ODAD2: variants seen among roughly 807,000 people sequenced by gnomAD.
ODAD2 encodes the protein outer dynein arm-docking complex subunit 2.
ODAD2 carries 89 observed loss-of-function variants against 106.8 expected under a neutral mutation model. The observed-to-expected ratio is 0.83, with a 90% confidence interval of 0.70 to 0.99. The LOEUF (loss-of-function observed/expected upper bound fraction) is 0.99. ODAD2 is among the 50% of genes least tolerant of loss of function. The pLI, the probability that ODAD2 is intolerant of heterozygous loss-of-function variation, is 0.00. For synonymous variants in ODAD2, 404 were observed against 436.2 expected, an observed-to-expected ratio of 0.93 and a Z score of 0.92; for missense variants, 1,168 against 1,238.5, an observed-to-expected ratio of 0.94 and a Z score of 0.85.
chr10:27,923,199 C>A (rs1844914496), intron 16 of ODAD2, among the ~76,000 whole-genome samples: 1 of 152,094 alleles, frequency 6.6e-6, no homozygotes, highest in South Asian at 2.1e-4. Context: ...CTCATTAAAA[C>A]AAAAACTATG....
Position 27,944,213 on chromosome 10 carries a change from G to A in ODAD2, c.1743+9C>T. ...ACTAGATGACGATGACAACATCACG[G>A]CTACTCACCAGTTTGGTGATACCCC... On this transcript the variant is annotated intron_variant, in intron 12 of 19. Coordinates refer to ENST00000305242, the MANE Select transcript of ODAD2 (RefSeq NM_018076.5). The A allele has an allele frequency of 6.2e-7, 1 of 1,607,510 alleles. No individual in the cohort carries two copies. Among genetic ancestry groups the A allele is most frequent in the East Asian group, 2.2e-5 (1 of 44,594 alleles).
chr10:27,905,743 C>A (rs1302062441), intron 17 of ODAD2, among the ~76,000 whole-genome samples: 1 of 152,134 alleles, frequency 6.6e-6, no homozygotes, highest in Non-Finnish European at 1.5e-5. Context: ...CTTTGACAAA[C>A]CTGACAAAAA....
rs150829961 is a variant in ODAD2 at position 27,830,199 on chromosome 10, C to T, written c.3022-17574G>A. Among the ~76,000 whole-genome samples the T allele has an allele frequency of 7.6e-4, 116 of 152,274 alleles. 1 individual carries two copies. The highest frequency in any genetic ancestry group is 2.8e-3 in the African/African-American group (115 of 41,562). On this transcript the variant is annotated intron_variant, in intron 19 of 19. Coordinates refer to ENST00000305242, the MANE Select transcript of ODAD2 (RefSeq NM_018076.5). ...GGAGCCTAATCCTTGGTCTCCTCAC[C>T]TCCTGGTTTCCCGGAATGTCTTTCT...
At chr10:27,923,107 T>G (rs1055319929) in intron 16 of ODAD2, among the ~76,000 whole-genome samples, 3 of 152,078 alleles carry the variant, frequency 2.0e-5, no homozygotes, top group African/African-American at 7.2e-5. Flanking sequence ...ACTGCAAATC[T>G]TATAGCAAAA....
At chr10:27,839,981 C>A (rs1208474979) in intron 19 of ODAD2, among the ~76,000 whole-genome samples, 1 of 152,040 alleles carries the variant, frequency 6.6e-6, no homozygotes, top group African/African-American at 2.4e-5. Flanking sequence ...GGAATATTTT[C>A]AAAAATATTA....
chr10:27,887,551 G>A lies in ODAD2; in HGVS notation c.2610+20112C>T, dbSNP rs963717845. 6.6e-5 allele frequency among the ~76,000 whole-genome samples: 10 copies of A among 151,940 alleles called. No homozygotes were observed. The East Asian group carries it at 7.7e-4, about 12-fold the overall frequency. Reference sequence around the variant, plus strand: ...CATTTTTCTCAAGTGTACAATAAACGTTCTCCAGGATAGACCATATATGAA... The same window carrying A: ...CATTTTTCTCAAGTGTACAATAAACATTCTCCAGGATAGACCATATATGAA... On this transcript the variant is annotated intron_variant, in intron 17 of 19. Coordinates refer to ENST00000305242, the MANE Select transcript of ODAD2 (RefSeq NM_018076.5).
chr10:27,868,211 T>C (rs906832642), intron 17 of ODAD2, among the ~76,000 whole-genome samples: 3 of 152,156 alleles, frequency 2.0e-5, no homozygotes, highest in Non-Finnish European at 2.9e-5. Context: ...GAAATAGGAA[T>C]ACTTGTACAC....
chr10:27,944,474 T>A (rs549281759), intron 11 of ODAD2, 43 bp from the exon 12 acceptor site: 1 of 1,545,476 alleles, frequency 6.5e-7, no homozygotes, highest in East Asian at 2.3e-5. Context: ...ATGTAACCCG[T>A]GCTATGTTTT....
intron 14 of ODAD2, among the ~76,000 whole-genome samples, chr10:27,937,340 T>C (rs1317026585): frequency 9.3e-5 from 7 of 75,130 alleles, no homozygotes; most frequent in African/African-American, 5.5e-4. Flanking sequence ...TTCTTTTTTC[T>C]TTTTTTTTTT....
intron 16 of ODAD2, among the ~76,000 whole-genome samples, chr10:27,916,674 C>A (rs945041539): frequency 1.3e-5 from 2 of 152,056 alleles, no homozygotes. Context: ...ATTTTCTCTT[C>A]CTTAGAATTT....
intron 2 of ODAD2, among the ~76,000 whole-genome samples, chr10:27,989,412 A>G (rs1295684626): frequency 1.3e-5 from 2 of 152,224 alleles, no homozygotes; most frequent in Admixed American, 6.5e-5. Context: ...CACAAAATGT[A>G]TATTTTCTCT....
intron 19 of ODAD2, among the ~76,000 whole-genome samples, chr10:27,820,717 T>C (rs1040990368): frequency 2.0e-5 from 3 of 151,802 alleles, no homozygotes; most frequent in East Asian, 1.9e-4. Flanking sequence ...CTTCATTCTA[T>C]ATCCCATATG....
chr10:27,910,654 G>A (rs952971292), intron 16 of ODAD2, among the ~76,000 whole-genome samples: 1 of 152,096 alleles, frequency 6.6e-6, no homozygotes, highest in African/African-American at 2.4e-5. Flanking sequence ...CTACTTGGGA[G>A]GCTGAGGTAG....
chr10:27,851,437 A>G (rs1839254680), intron 19 of ODAD2, among the ~76,000 whole-genome samples: 1 of 152,118 alleles, frequency 6.6e-6, no homozygotes, highest in African/African-American at 2.4e-5. Context: ...CAGAAATAAT[A>G]TTAGAATTGG....
At chr10:27,870,800 T>C (rs1444814735) in intron 17 of ODAD2, among the ~76,000 whole-genome samples, 1 of 152,198 alleles carries the variant, frequency 6.6e-6, no homozygotes, top group Non-Finnish European at 1.5e-5. Context: ...TTGTGAATAG[T>C]GCCACAATAA....
rs182144563 is a variant in ODAD2 at position 27,835,157 on chromosome 10, C to T, written c.3022-22532G>A. ...TCCCACCAGCAGGCCCTTGGAGGAGCGTCAAATCCTGCCACAGACACAGGA... is the reference window on the plus strand; with the variant it reads ...TCCCACCAGCAGGCCCTTGGAGGAGTGTCAAATCCTGCCACAGACACAGGA... On this transcript the variant is annotated intron_variant, in intron 19 of 19. Transcript: ENST00000305242. 1.3e-4 allele frequency among the ~76,000 whole-genome samples: 20 copies of T among 152,308 alleles called. No individual in the cohort carries two copies. The East Asian group carries it at 3.1e-3, about 24-fold the overall frequency.
chr10:27,962,148 C>T (rs963588446), intron 9 of ODAD2, among the ~76,000 whole-genome samples: 1 of 152,112 alleles, frequency 6.6e-6, no homozygotes, highest in African/African-American at 2.4e-5. Flanking sequence ...GCTCTGGGTG[C>T]AATAATCATA....
chr10:27,967,318 T>C (rs963079268), intron 9 of ODAD2, among the ~76,000 whole-genome samples: 1 of 151,316 alleles, frequency 6.6e-6, no homozygotes, highest in Non-Finnish European at 1.5e-5. Flanking sequence ...CACTACATCG[T>C]GGCAAAAATG....
chr10:27,928,055 C>G (rs1477281676), intron 16 of ODAD2, among the ~76,000 whole-genome samples: 1 of 152,104 alleles, frequency 6.6e-6, no homozygotes, highest in African/African-American at 2.4e-5. Context: ...ACAACCATAA[C>G]TGAACTCACC....
Sources: allele counts gnomAD v4.1 joint callset (sites outside exome capture counted in the v4.1 genomes callset), GRCh38; gene constraint gnomAD v4.1.1; transcripts MANE v1.5; gene names NCBI Gene and HGNC (gene_info 2026-07-23, HGNC 2026-07-21).